MOSMO: variants seen among roughly 807,000 people sequenced by gnomAD.
MOSMO encodes the protein modulator of smoothened, also known as modulator of smoothened protein.
Under a neutral mutation model 18.4 loss-of-function variants are expected in MOSMO, and 5 were observed. That is an observed-to-expected ratio of 0.27 (90% CI 0.14 to 0.57). The LOEUF (loss-of-function observed/expected upper bound fraction) is 0.57, where lower values mean the gene tolerates loss of function less well. MOSMO is among the 20% of genes least tolerant of loss of function. The probability of loss-of-function intolerance (pLI) is 0.92; values close to 1 mark genes in which losing one functional copy is unlikely to be tolerated. For missense variants in MOSMO, 138 were observed against 211.8 expected (o/e 0.65, Z 2.16); for synonymous variants, 82 against 82.3 (o/e 1.00, Z 0.02).
At position 22,008,286 on chromosome 16, in the gene MOSMO, G is replaced by C; in HGVS notation, c.-16G>C. 6.7e-7 allele frequency: 1 copy of C among 1,482,590 alleles called. No homozygotes were observed. Among genetic ancestry groups the C allele is most frequent in the Non-Finnish European group, 9.0e-7 (1 of 1,110,554 alleles). 91.8% of individuals were successfully genotyped at this position (1,482,590 alleles called of 1,614,324 possible). A position where few individuals can be genotyped will look rare whatever the true frequency, so the allele number is the denominator to read the frequency against. The stretch of plus-strand genomic sequence containing the variant: ...CCTGTCCGGGGCTCGGGGGGTGGGG[G>C]GAGCGGGGCGGGGAGATGGATAAAC... On this transcript the variant is annotated 5_prime_UTR_variant, in exon 1 of 3. Transcript: ENST00000542527.
chr16:22,027,948 G>C (rs1055891966), intron 1 of MOSMO, among the ~76,000 whole-genome samples: 12 of 152,008 alleles, frequency 7.9e-5, no homozygotes, highest in Admixed American at 2.6e-4. Flanking sequence ...ATAACCTTTT[G>C]GAAGAACATC....
chr16:22,023,210 G>C (rs1899800878), intron 1 of MOSMO, among the ~76,000 whole-genome samples: 4 of 152,114 alleles, frequency 2.6e-5, no homozygotes, highest in Admixed American at 2.6e-4. Context: ...TCACCTTTTA[G>C]ACTCCCACTC....
intron 1 of MOSMO, among the ~76,000 whole-genome samples, chr16:22,067,566 C>G (rs1355891640): frequency 6.6e-6 from 1 of 152,152 alleles, no homozygotes; most frequent in Non-Finnish European, 1.5e-5. Context: ...AGTGCTGTAT[C>G]ACTCTCGGCT....
At chr16:22,034,890 C>G (rs957169158) in intron 1 of MOSMO, among the ~76,000 whole-genome samples, 1 of 151,270 alleles carries the variant, frequency 6.6e-6, no homozygotes, top group African/African-American at 2.4e-5. Flanking sequence ...GCCACCATAC[C>G]CAGCTAATTT....
intron 1 of MOSMO, among the ~76,000 whole-genome samples, chr16:22,068,492 T>G (rs1598022523): frequency 6.6e-6 from 1 of 152,236 alleles, no homozygotes. Context: ...TCCAGAATAT[T>G]TGTAACATTC....
chr16:22,010,647 G>A (rs1481882059), intron 1 of MOSMO, among the ~76,000 whole-genome samples: 5 of 152,184 alleles, frequency 3.3e-5, no homozygotes, highest in Non-Finnish European at 7.3e-5. Flanking sequence ...AGCCGGGCGT[G>A]GTGGCTCATG....
At chr16:22,018,806 TTAA>T (rs1242470210) in intron 1 of MOSMO, among the ~76,000 whole-genome samples, 1 of 152,132 alleles carries the variant, frequency 6.6e-6, no homozygotes, top group African/African-American at 2.4e-5. Flanking sequence ...GATGATACAT[TTAA>T]TAATGAGTAA....
At chr16:22,061,217 A>G (rs2141759425) in intron 1 of MOSMO, among the ~76,000 whole-genome samples, 1 of 152,292 alleles carries the variant, frequency 6.6e-6, no homozygotes, top group East Asian at 1.9e-4. Context: ...TGAAATGGCT[A>G]CATATATTTG....
At chr16:22,063,194 G>A (rs1714343930) in intron 1 of MOSMO, among the ~76,000 whole-genome samples, 2 of 152,132 alleles carry the variant, frequency 1.3e-5, no homozygotes, top group Admixed American at 6.5e-5. Flanking sequence ...ACCTGAACTC[G>A]AACTGCTGAT....
chr16:22,081,757 C>T lies in MOSMO; in HGVS notation c.*877C>T, dbSNP rs1364344713. 2 of 151,710 alleles carry T rather than the reference C, an allele frequency of 1.3e-5. No individual in the cohort carries two copies. The highest frequency in any genetic ancestry group is 2.9e-5 in the Non-Finnish European group (2 of 67,954). The allele number at this position is 151,710 out of a possible 1,614,324, so 9.4% of individuals were successfully genotyped here. On this transcript the variant is annotated 3_prime_UTR_variant, in exon 3 of 3. Coordinates refer to ENST00000542527, the MANE Select transcript of MOSMO (RefSeq NM_001164579.2). ...ACCTAGAACCCAATAGAAAAAAAAGCCATTTATCTGAAGGCTGCATAGTGG... is the reference window on the plus strand; with the variant it reads ...ACCTAGAACCCAATAGAAAAAAAAGTCATTTATCTGAAGGCTGCATAGTGG...
intron 1 of MOSMO, among the ~76,000 whole-genome samples, chr16:22,056,002 G>A (rs1900525163): frequency 1.3e-5 from 2 of 152,190 alleles, no homozygotes; most frequent in Admixed American, 1.3e-4. Flanking sequence ...CCAAAACTGT[G>A]AAGCTGTTTG....
chr16:22,037,739 A>G (rs1053278465), intron 1 of MOSMO, among the ~76,000 whole-genome samples: 5 of 152,200 alleles, frequency 3.3e-5, no homozygotes, highest in African/African-American at 1.2e-4. Flanking sequence ...TATGAAGGAT[A>G]CTACAAAGAA....
downstream of MOSMO, among the ~76,000 whole-genome samples, chr16:22,088,025 C>A (rs79763298): frequency 1.8e-3 from 278 of 152,152 alleles, 1 homozygote; most frequent in African/African-American, 6.3e-3. Context: ...ATTATCTATA[C>A]CTGCCACTGC....
chr16:22,044,074 A>G (rs1377042394), intron 1 of MOSMO, among the ~76,000 whole-genome samples: 5 of 152,116 alleles, frequency 3.3e-5, no homozygotes, highest in Non-Finnish European at 7.3e-5. Context: ...CTACCATGAG[A>G]ACAGTATGGG....
chr16:22,042,780 C>G (rs893546701), intron 1 of MOSMO, among the ~76,000 whole-genome samples: 1 of 152,216 alleles, frequency 6.6e-6, no homozygotes, highest in Non-Finnish European at 1.5e-5. Flanking sequence ...GGAGTCCGTT[C>G]AGATGAAGAG....
In MOSMO at chr16:22,047,238, A is replaced by ATT. The variant is rs770005970; in HGVS notation, c.107-28225_107-28224dup. On this transcript the variant is annotated intron_variant, in intron 1 of 2. Transcript: ENST00000542527. ...TATTCTATACTGTTTATGCACCATA[A>ATT]TTTTTTTTTTTTTTTTTTTTTTTTT... 8.3e-3 allele frequency among the ~76,000 whole-genome samples: 918 copies of ATT among 110,776 alleles called. 22 individuals carry two copies. Among genetic ancestry groups the ATT allele is most frequent in the Non-Finnish European group, 0.014 (731 of 53,120 alleles). 72.7% of individuals were successfully genotyped at this position (110,776 alleles called of 152,430 possible).
intron 1 of MOSMO, among the ~76,000 whole-genome samples, chr16:22,024,635 A>G (rs1311270495): frequency 2.0e-5 from 3 of 152,058 alleles, no homozygotes; most frequent in Non-Finnish European, 4.4e-5. Context: ...GAAGTGCTGG[A>G]ATTACAGGCA....
At chr16:22,056,926 A>G (rs778879014) in intron 1 of MOSMO, among the ~76,000 whole-genome samples, 2 of 152,222 alleles carry the variant, frequency 1.3e-5, no homozygotes, top group Non-Finnish European at 2.9e-5. Flanking sequence ...TTATCTGGAT[A>G]TGTCCCTAAA....
At chr16:22,073,743 C>T (rs1035183507) in intron 1 of MOSMO, among the ~76,000 whole-genome samples, 1 of 150,860 alleles carries the variant, frequency 6.6e-6, no homozygotes, top group African/African-American at 2.4e-5. Context: ...CCTATGAAGT[C>T]AATCAGCTCC....
Sources: allele counts gnomAD v4.1 joint callset (sites outside exome capture counted in the v4.1 genomes callset), GRCh38; gene constraint gnomAD v4.1.1; transcripts MANE v1.5; gene names NCBI Gene and HGNC (gene_info 2026-07-23, HGNC 2026-07-21).